RBPJ: variants seen among roughly 807,000 people sequenced by gnomAD.
RBPJ encodes recombination signal binding protein for immunoglobulin kappa J region, also known as recombining binding protein suppressor of hairless.
In RBPJ, 9 loss-of-function variants were observed where a neutral mutation model predicts 67.8. The ratio of observed to expected loss-of-function variants is 0.13; its 90% CI spans 0.08 to 0.23. The LOEUF is 0.23. Ranked by LOEUF, RBPJ falls within the 10% of genes least tolerant of loss-of-function variation. The pLI is 1.00. For synonymous variants in RBPJ, 198 were observed against 203.3 expected (o/e 0.97, Z 0.22); for missense variants, 305 against 595.6 (o/e 0.51, Z 5.08).
intron 2 of RBPJ, among the ~76,000 whole-genome samples, chr4:26,404,718 T>A (rs1733213184): frequency 6.6e-6 from 1 of 152,182 alleles, no homozygotes. Context: ...AAACATAAGC[T>A]GCTCTTGTTT....
chr4:26,298,287 T>C (rs1379631098), intron 1 of RBPJ, among the ~76,000 whole-genome samples: 2 of 152,202 alleles, frequency 1.3e-5, no homozygotes, highest in East Asian at 3.8e-4. Flanking sequence ...TAACTCACAA[T>C]TGAGTCTCAC....
chr4:26,403,526 C>T (rs1036886313), intron 2 of RBPJ, among the ~76,000 whole-genome samples: 1 of 152,130 alleles, frequency 6.6e-6, no homozygotes, highest in African/African-American at 2.4e-5. Flanking sequence ...CTGCTCCTCT[C>T]CCACCTCCCA....
At chr4:26,204,340 C>G (rs1239809705) in intron 1 of RBPJ, among the ~76,000 whole-genome samples, 1 of 152,162 alleles carries the variant, frequency 6.6e-6, no homozygotes, top group Non-Finnish European at 1.5e-5. Flanking sequence ...GAAGTTGTCC[C>G]CACACCAATG....
intron 1 of RBPJ, among the ~76,000 whole-genome samples, chr4:26,338,359 T>A (rs910370395): frequency 1.3e-5 from 2 of 151,938 alleles, no homozygotes; most frequent in Admixed American, 1.3e-4. Context: ...CTTCACCATG[T>A]TGGCCAGGAT....
intron 1 of RBPJ, among the ~76,000 whole-genome samples, chr4:26,339,230 C>G (rs933242341): frequency 6.6e-6 from 1 of 152,138 alleles, no homozygotes; most frequent in Admixed American, 6.6e-5. Context: ...TGCGTTCAGA[C>G]CTTGCCATAG....
At chr4:26,420,804 C>G in intron 5 of RBPJ, 79 bp downstream of exon 5, 1 of 1,210,134 alleles carries the variant, frequency 8.3e-7, no homozygotes, top group Non-Finnish European at 1.1e-6. Context: ...TAAAAATTGC[C>G]TTTTCAATAG....
At chr4:26,147,272 G>A in the RBPJ span, among the ~76,000 whole-genome samples, 2 of 152,360 alleles carry the variant, frequency 1.3e-5, no homozygotes, top group African/African-American at 4.8e-5. Context: ...CTGAAAAACA[G>A]GACTCTGGGT....
At chr4:26,157,714 G>T in the RBPJ span, among the ~76,000 whole-genome samples, 1 of 152,134 alleles carries the variant, frequency 6.6e-6, no homozygotes, top group Non-Finnish European at 1.5e-5. Context: ...AGGCTTGGTT[G>T]TATGACTCAC....
intron 1 of RBPJ, among the ~76,000 whole-genome samples, chr4:26,171,384 T>G (rs1277123382): frequency 6.6e-6 from 1 of 152,094 alleles, no homozygotes; most frequent in African/African-American, 2.4e-5. Flanking sequence ...TATCTATATT[T>G]TCAGAAGTCC....
chr4:26,224,689 A>C (rs1397902268), intron 1 of RBPJ, among the ~76,000 whole-genome samples: 1 of 152,214 alleles, frequency 6.6e-6, no homozygotes, highest in African/African-American at 2.4e-5. Context: ...GCAGAATCCA[A>C]GTAACATGAG....
the RBPJ span, among the ~76,000 whole-genome samples, chr4:26,155,414 T>G: frequency 3.0e-3 from 456 of 151,676 alleles, 3 homozygotes; most frequent in African/African-American, 0.01. Context: ...CTTTTTCTCT[T>G]TTTAGTTTTC....
At chr4:26,116,018 A>G in the RBPJ span, among the ~76,000 whole-genome samples, 1 of 152,206 alleles carries the variant, frequency 6.6e-6, no homozygotes, top group African/African-American at 2.4e-5. Context: ...TGAATTTGTC[A>G]AAATAAAACC....
intron 3 of RBPJ, among the ~76,000 whole-genome samples, chr4:26,414,381 C>T (rs1384461545): frequency 6.6e-6 from 1 of 152,078 alleles, no homozygotes; most frequent in Non-Finnish European, 1.5e-5. Flanking sequence ...GTTGCCCAGG[C>T]TGGTCTCAAA....
chr4:26,176,671 T>G (rs1476736088), intron 1 of RBPJ, among the ~76,000 whole-genome samples: 1 of 152,216 alleles, frequency 6.6e-6, no homozygotes, highest in Non-Finnish European at 1.5e-5. Context: ...CCCACGTATA[T>G]AGGCAGTGGT....
intron 2 of RBPJ, 81 bp downstream of exon 2, chr4:26,386,472 G>A (rs1182814832): frequency 1.1e-6 from 1 of 923,066 alleles, no homozygotes; most frequent in African/African-American, 1.7e-5. Context: ...TATATTAATA[G>A]GTACCCTTAA....
chr4:26,353,685 T>A (rs1727043948), intron 1 of RBPJ, among the ~76,000 whole-genome samples: 1 of 151,380 alleles, frequency 6.6e-6, no homozygotes, highest in Non-Finnish European at 1.5e-5. Context: ...CTTGGCTCAC[T>A]GCAACCTCTG....
At chr4:26,323,859 C>T (rs1216234788) in intron 1 of RBPJ, among the ~76,000 whole-genome samples, 3 of 152,110 alleles carry the variant, frequency 2.0e-5, no homozygotes, top group Admixed American at 1.3e-4. Context: ...TATTATACAT[C>T]TCATTCTTCT....
chr4:26,205,645 T>A (rs1406280702), intron 1 of RBPJ, among the ~76,000 whole-genome samples: 1 of 152,042 alleles, frequency 6.6e-6, no homozygotes, highest in East Asian at 1.9e-4. Context: ...CAGGCTGGAG[T>A]GCAGCGGTAC....
chr4:26,430,645 A>C lies in RBPJ; in HGVS notation c.1149-47A>C. ...GTGTTAAGTCTCATTTTTAACATGT[A>C]CTTTGCTTTTTAAAGTGTTTTTAAG... On this transcript the variant is annotated intron_variant, in intron 10 of 10. Transcript: ENST00000355476. The surrounding 1 kb of genome is among the most constrained non-coding windows in gnomAD (Gnocchi z 4.1). 6.3e-7 allele frequency: 1 copy of C among 1,588,334 alleles called. No homozygotes were observed. Among genetic ancestry groups the C allele is most frequent in the Non-Finnish European group, 8.6e-7 (1 of 1,161,404 alleles).
Sources: gnomAD v4.1 joint callset for allele counts (sites outside exome capture counted in the v4.1 genomes callset) on GRCh38, gnomAD v4.1.1 for gene constraint, Gnocchi (gnomAD v3.1) non-coding constraint, MANE v1.5 for transcripts, NCBI Gene and HGNC (gene_info 2026-07-23, HGNC 2026-07-21) for gene names.